The following CTNNA3 variants were observed in gnomAD, a reference collection of about 807,000 sequenced individuals.
CTNNA3 encodes the protein catenin alpha-3.
CTNNA3 carries 76 observed loss-of-function variants against 95.7 expected under a neutral mutation model. That is an observed-to-expected ratio of 0.79 (90% CI 0.66 to 0.96). The LOEUF (loss-of-function observed/expected upper bound fraction) is 0.96, where lower values mean the gene tolerates loss of function less well. CTNNA3 is among the 40% of genes least tolerant of loss of function. The pLI is 0.00. For missense variants in CTNNA3, 1,191 were observed against 1,089.8 expected, an observed-to-expected ratio of 1.09 and a Z score of -1.31; for synonymous variants, 431 against 374.4, an observed-to-expected ratio of 1.15 and a Z score of -1.74.
At chr10:66,626,351 T>G (rs963595430) in intron 9 of CTNNA3, among the ~76,000 whole-genome samples, 18 of 149,724 alleles carry the variant, frequency 1.2e-4, no homozygotes, top group African/African-American at 4.4e-4. Context: ...TGTCACACAT[T>G]CATTGTTTAT....
At chr10:66,167,152 G>A (rs1407402875) in intron 13 of CTNNA3, among the ~76,000 whole-genome samples, 3 of 152,008 alleles carry the variant, frequency 2.0e-5, no homozygotes, top group Non-Finnish European at 4.4e-5. Flanking sequence ...ATAAGAGAAA[G>A]GGACATAGGA....
At chr10:67,487,657 C>A (rs1848494251) in intron 5 of CTNNA3, among the ~76,000 whole-genome samples, 1 of 152,190 alleles carries the variant, frequency 6.6e-6, no homozygotes, top group South Asian at 2.1e-4. Flanking sequence ...GAGTTGTAAC[C>A]TGTATCCTTG....
intron 4 of CTNNA3, among the ~76,000 whole-genome samples, chr10:67,529,408 C>A (rs1302709759): frequency 6.7e-6 from 1 of 149,916 alleles, no homozygotes; most frequent in Non-Finnish European, 1.5e-5. Flanking sequence ...ATCATATATA[C>A]CCCATAAATA....
At chr10:67,646,591 A>T (rs549218363) in intron 2 of CTNNA3, among the ~76,000 whole-genome samples, 1 of 152,162 alleles carries the variant, frequency 6.6e-6, no homozygotes, top group African/African-American at 2.4e-5. Context: ...CCCCACATCC[A>T]TCTCACAAAA....
chr10:66,701,729 A>G (rs1847948763), intron 9 of CTNNA3, among the ~76,000 whole-genome samples: 1 of 152,136 alleles, frequency 6.6e-6, no homozygotes, highest in Non-Finnish European at 1.5e-5. Flanking sequence ...TTTGAGTTCT[A>G]GTAAGTAGTA....
At chr10:67,561,246 C>T (rs1225349337) in intron 3 of CTNNA3, among the ~76,000 whole-genome samples, 9 of 137,058 alleles carry the variant, frequency 6.6e-5, no homozygotes, top group Admixed American at 5.7e-4. Context: ...AAGTAAAGCA[C>T]TCCTCAGCAG....
chr10:65,948,011 C>T (rs962479346), intron 17 of CTNNA3, among the ~76,000 whole-genome samples: 2 of 152,214 alleles, frequency 1.3e-5, no homozygotes, highest in Admixed American at 6.5e-5. Context: ...GGCGCGGTGG[C>T]TTACGCCTGT....
intron 7 of CTNNA3, among the ~76,000 whole-genome samples, chr10:66,843,584 G>A (rs935546313): frequency 1.3e-5 from 2 of 152,152 alleles, no homozygotes; most frequent in African/African-American, 4.8e-5. Flanking sequence ...AAGTCATCTA[G>A]GAAAGAGACA....
At chr10:67,258,836 C>T (rs1050170792) in intron 5 of CTNNA3, among the ~76,000 whole-genome samples, 1 of 152,074 alleles carries the variant, frequency 6.6e-6, no homozygotes, top group Non-Finnish European at 1.5e-5. Flanking sequence ...GTTTGTCCTT[C>T]GTACCAGAGG....
rs7095836 is a variant in CTNNA3 at position 67,250,488 on chromosome 10, T to C, written c.580-30618A>G. On this transcript the variant is annotated intron_variant, in intron 5 of 17. Coordinates refer to ENST00000433211, the MANE Select transcript of CTNNA3 (RefSeq NM_013266.4). ...CCTCGGCCTCCCAAAGTGCTGGGATTACAGGCATGAGCCACCGCGCCCGGC... is the reference window on the plus strand; with the variant it reads ...CCTCGGCCTCCCAAAGTGCTGGGATCACAGGCATGAGCCACCGCGCCCGGC... Among the ~76,000 whole-genome samples the C allele has an allele frequency of 8.7e-3, 1,320 of 151,920 alleles. 13 individuals are homozygous for C. Among genetic ancestry groups the C allele is most frequent in the African/African-American group, 0.019 (803 of 41,420 alleles).
At chr10:66,800,916 G>A (rs559453447) in intron 7 of CTNNA3, among the ~76,000 whole-genome samples, 9 of 151,090 alleles carry the variant, frequency 6.0e-5, no homozygotes, top group Non-Finnish European at 8.9e-5. Context: ...AAAAGATATC[G>A]TAAGTCTTAT....
chr10:66,636,037 G>T (rs1589049294), intron 9 of CTNNA3, among the ~76,000 whole-genome samples: 1 of 141,504 alleles, frequency 7.1e-6, no homozygotes, highest in Non-Finnish European at 1.6e-5. Context: ...TGTGTGTGTG[G>T]AGTGGAAGAG....
chr10:67,468,569 C>G (rs899859998), intron 5 of CTNNA3, among the ~76,000 whole-genome samples: 1 of 152,086 alleles, frequency 6.6e-6, no homozygotes, highest in Non-Finnish European at 1.5e-5. Context: ...GGCACTCAGG[C>G]CCCCTCACAT....
At chr10:67,129,337 C>T (rs1319891405) in intron 7 of CTNNA3, among the ~76,000 whole-genome samples, 1 of 152,126 alleles carries the variant, frequency 6.6e-6, no homozygotes, top group East Asian at 1.9e-4. Context: ...GCTAAATTTA[C>T]TTATTCCTCT....
intron 10 of CTNNA3, among the ~76,000 whole-genome samples, chr10:66,523,639 T>C (rs1015598397): frequency 6.6e-6 from 1 of 152,204 alleles, no homozygotes; most frequent in African/African-American, 2.4e-5. Context: ...TAAATTATGG[T>C]TGAAATATTT....
chr10:66,464,412 C>T (rs1315762313), intron 11 of CTNNA3, among the ~76,000 whole-genome samples: 1 of 152,060 alleles, frequency 6.6e-6, no homozygotes, highest in Non-Finnish European at 1.5e-5. Context: ...GCTATTTCCT[C>T]CTCCACAGGG....
At chr10:66,591,745 T>G (rs1391342114) in intron 10 of CTNNA3, among the ~76,000 whole-genome samples, 1 of 152,074 alleles carries the variant, frequency 6.6e-6, no homozygotes, top group African/African-American at 2.4e-5. Flanking sequence ...ATATTCATCA[T>G]TTTTTTGCTC....
In CTNNA3 at chr10:66,960,815, G is replaced by C. The variant is rs548582287; in HGVS notation, c.1048-185291C>G. Among the ~76,000 whole-genome samples, 95 of 152,214 alleles carry C rather than the reference G, an allele frequency of 6.2e-4. 1 individual carries two copies. Among genetic ancestry groups the C allele is most frequent in the African/African-American group, 2.2e-3 (91 of 41,546 alleles). ...ACTTTGTGACTGCCCTTAGAAAAGG[G>C]GGGATGGTAGGGTTAGGAATAGTGA... On this transcript the variant is annotated intron_variant, in intron 7 of 17. Transcript: ENST00000433211.
intron 5 of CTNNA3, 75 bp downstream of exon 5, chr10:67,521,767 T>A (rs1169116855): frequency 1.9e-6 from 3 of 1,553,668 alleles, no homozygotes; most frequent in Non-Finnish European, 2.6e-6. Flanking sequence ...CAGACCCACC[T>A]GCACCTCTGA....
Sources: allele counts gnomAD v4.1 joint callset (sites outside exome capture counted in the v4.1 genomes callset), GRCh38; gene constraint gnomAD v4.1.1; transcripts MANE v1.5; gene names NCBI Gene and HGNC (gene_info 2026-07-23, HGNC 2026-07-21).